ITGA11: variants seen among roughly 807,000 people sequenced by gnomAD.
ITGA11 encodes integrin alpha-11.
Under a neutral mutation model 141.9 loss-of-function variants are expected in ITGA11, and 97 were observed. That is an observed-to-expected ratio of 0.68 (90% CI 0.58 to 0.81). ITGA11 has a LOEUF of 0.81. ITGA11 is among the 30% of genes least tolerant of loss of function. The pLI is 0.00. For missense variants in ITGA11, 1,387 were observed against 1,559.2 expected (o/e 0.89, Z 1.86); for synonymous variants, 658 against 624.6 (o/e 1.05, Z -0.80).
intron 20 of ITGA11, among the ~76,000 whole-genome samples, chr15:68,317,631 C>A (rs1009065501): frequency 6.6e-6 from 1 of 152,112 alleles, no homozygotes; most frequent in Non-Finnish European, 1.5e-5. Context: ...CTCATGTATG[C>A]GTCTCATTTT....
rs35071996 is a variant in ITGA11, at chr15:68,322,857, CAA to C, written c.2323-1356_2323-1355del. ...TGGGTGACAGAGGGAGATACCATTT[CAA>C]AAAAAAAAAAAAAGAAAGTAGGGGT... On this transcript the variant is annotated intron_variant, in intron 18 of 29. Transcript: ENST00000315757. The surrounding 1 kb of genome is among the most constrained non-coding windows in gnomAD (Gnocchi z 5.6). 2.7e-3 allele frequency among the ~76,000 whole-genome samples: 367 copies of C among 134,532 alleles called. 1 individual carries two copies. Among genetic ancestry groups the C allele is most frequent in the Non-Finnish European group, 2.7e-3 (170 of 63,130 alleles). The allele number at this position is 134,532 out of a possible 152,430, so 88.3% of individuals were successfully genotyped here. A position where few individuals can be genotyped will look rare whatever the true frequency, so the allele number is the denominator to read the frequency against.
intron 2 of ITGA11, among the ~76,000 whole-genome samples, chr15:68,396,035 T>A (rs1258395837): frequency 6.6e-6 from 1 of 152,000 alleles, no homozygotes; most frequent in Non-Finnish European, 1.5e-5. Context: ...TCTTAGCACA[T>A]TTTATGAGCT....
chr15:68,383,233 C>T (rs1036532996), intron 2 of ITGA11, among the ~76,000 whole-genome samples: 8 of 151,150 alleles, frequency 5.3e-5, no homozygotes, highest in African/African-American at 1.5e-4. Flanking sequence ...ATCATGCCAC[C>T]GCACTCCAGC....
rs372235224 is a variant in ITGA11, at chr15:68,339,680, C to A, written c.1132-36G>T. On this transcript the variant is annotated intron_variant, in intron 10 of 29. Coordinates refer to ENST00000315757, the MANE Select transcript of ITGA11 (RefSeq NM_001004439.2). ...GGAGGGGACACACATCAGCACCTGT[C>A]CTCATGGGCCAGTTGCCAGGAGCCA... is the stretch of plus-strand genomic sequence containing the variant. 2.3e-5 allele frequency: 37 copies of A among 1,609,314 alleles called. No homozygotes were observed. In the African/African-American group the frequency reaches 4.8e-4, roughly 21 times the overall value.
At chr15:68,313,899 A>G (rs1435296331) in intron 22 of ITGA11, 31 bp from the exon 23 acceptor site, 3 of 1,578,376 alleles carry the variant, frequency 1.9e-6, no homozygotes, top group Non-Finnish European at 2.6e-6. Context: ...CAAGGTCAGG[A>G]AGGGGCTCAG....
At chr15:68,370,361 T>C (rs752450138) in intron 2 of ITGA11, among the ~76,000 whole-genome samples, 9 of 152,128 alleles carry the variant, frequency 5.9e-5, no homozygotes, top group Admixed American at 1.3e-4. Flanking sequence ...GGCTGTGGAC[T>C]CACCCCCACT....
intron 1 of ITGA11, among the ~76,000 whole-genome samples, chr15:68,413,105 A>T (rs1375549988): frequency 6.6e-6 from 1 of 152,176 alleles, no homozygotes; most frequent in Non-Finnish European, 1.5e-5. Context: ...TAGACACAAG[A>T]AGTGGATGTT....
chr15:68,386,620 C>T (rs931377707), intron 2 of ITGA11, among the ~76,000 whole-genome samples: 8 of 152,110 alleles, frequency 5.3e-5, no homozygotes, highest in Admixed American at 1.3e-4. Flanking sequence ...TTCAGGAAAC[C>T]GAGGCTCCGG....
rs528428371 is a variant in ITGA11 at position 68,337,844 on chromosome 15, T to C, written c.1276+1656A>G. ...CTTCTGCCCCCTGCTCCAGCCACAC[T>C]CATCTACTTCTTGGGTCCTGAAATA... On this transcript the variant is annotated intron_variant, in intron 11 of 29. Coordinates refer to ENST00000315757, the MANE Select transcript of ITGA11 (RefSeq NM_001004439.2). Among the ~76,000 whole-genome samples the C allele has an allele frequency of 3.3e-5, 5 of 152,324 alleles. No homozygotes were observed. In the South Asian group the frequency reaches 1.0e-3, roughly 32 times the overall value.
intron 10 of ITGA11, 97 bp downstream of exon 10, chr15:68,348,733 T>C (rs1466078542): frequency 9.4e-7 from 1 of 1,062,004 alleles, no homozygotes; most frequent in African/African-American, 1.6e-5. Context: ...CCAACCCATC[T>C]GTGAAGGTGG....
At chr15:68,365,439 C>T (rs530734861) in intron 3 of ITGA11, 139 of 587,830 alleles carry the variant, frequency 2.4e-4, no homozygotes, top group African/African-American at 1.2e-3. Context: ...GTCAGCTCTG[C>T]GGCAGATTAG....
rs1309663593 is a variant in ITGA11 at position 68,339,524 on chromosome 15, G to A, written c.1252C>T (p.Leu418Phe). 6.2e-7 allele frequency: 1 copy of A among 1,613,738 alleles called. No individual in the cohort carries two copies. Among genetic ancestry groups the A allele is most frequent in the East Asian group, 2.2e-5 (1 of 44,862 alleles). The change falls in exon 11 of 30, where the codon CTC becomes TTC. Residue 418 changes from leucine to phenylalanine, a missense_variant. By Grantham distance (22) the Leu-to-Phe change is conservative (BLOSUM62 0). Coordinates refer to ENST00000315757, the MANE Select transcript of ITGA11 (RefSeq NM_001004439.2). The part of the protein sequence containing the change: ...ESYLKEFPEE[L>F]KNHGAYLGYT... ...CCCAGGTATGCACCATGGTTCTTGA[G>A]CTCCTCGGGGAACTCTTTCAGGTAG...
At chr15:68,355,842 C>T (rs11630284) in intron 7 of ITGA11, among the ~76,000 whole-genome samples, 2,910 of 152,162 alleles carry the variant, frequency 0.019, 48 homozygotes, top group South Asian at 0.035. Flanking sequence ...GTGGTCTCAA[C>T]AAATGCAGCA....
Position 68,308,304 on chromosome 15 carries a change from T to A in ITGA11, c.3175-608A>T, listed in dbSNP as rs114874762. On this transcript the variant is annotated intron_variant, in intron 26 of 29. Transcript: ENST00000315757. This position sits in a 1 kb window ranked among gnomAD's most constrained non-coding sequence, Gnocchi z 5.2. ...GCCCCTATCTGAGCAACATGAATTC[T>A]GCTAAAATTGAAGCAAAAACAAACA... 2.5e-3 allele frequency among the ~76,000 whole-genome samples: 381 copies of A among 152,346 alleles called. 2 individuals are homozygous for A. The highest frequency in any genetic ancestry group is 8.8e-3 in the African/African-American group (366 of 41,572).
chr15:68,344,572 A>AG (rs1894683027), intron 10 of ITGA11, among the ~76,000 whole-genome samples: 1 of 152,012 alleles, frequency 6.6e-6, no homozygotes, highest in African/African-American at 2.4e-5. Context: ...ATACCTCCAG[A>AG]GGGGGACTAG....
chr15:68,383,809 G>A (rs1185306451), intron 2 of ITGA11, among the ~76,000 whole-genome samples: 1 of 152,180 alleles, frequency 6.6e-6, no homozygotes, highest in African/African-American at 2.4e-5. Context: ...ACTTAGGAAG[G>A]ATGTTGGCAT....
chr15:68,375,202 GC>G (rs1567149460), intron 2 of ITGA11, among the ~76,000 whole-genome samples: 1 of 152,130 alleles, frequency 6.6e-6, no homozygotes, highest in Non-Finnish European at 1.5e-5. Context: ...TCTCAACACA[GC>G]CCCCGCTCCC....
At chr15:68,370,958 A>T (rs1016614029) in intron 2 of ITGA11, among the ~76,000 whole-genome samples, 1 of 152,202 alleles carries the variant, frequency 6.6e-6, no homozygotes, top group African/African-American at 2.4e-5. Context: ...CAGGAAGGAA[A>T]GCCAGGTCTG....
chr15:68,358,809 A>C (rs896076151), intron 5 of ITGA11, among the ~76,000 whole-genome samples: 2 of 152,222 alleles, frequency 1.3e-5, no homozygotes, highest in Non-Finnish European at 2.9e-5. Context: ...AACAAAGCTT[A>C]AATTAAGCCT....
Sources: gnomAD v4.1 joint callset for allele counts (sites outside exome capture counted in the v4.1 genomes callset) on GRCh38, gnomAD v4.1.1 for gene constraint, Gnocchi (gnomAD v3.1) non-coding constraint, MANE v1.5 for transcripts, NCBI Gene and HGNC (gene_info 2026-07-23, HGNC 2026-07-21) for gene names.